DOCK5: variants seen among roughly 807,000 people sequenced by gnomAD.
DOCK5 encodes the protein dedicator of cytokinesis 5.
A neutral mutation model predicts 251.8 loss-of-function variants in DOCK5; 142 were observed. That is an observed-to-expected ratio of 0.56 (90% confidence interval 0.49 to 0.65). The LOEUF (loss-of-function observed/expected upper bound fraction) is 0.65. Ranked by LOEUF, DOCK5 falls within the 30% of genes least tolerant of loss-of-function variation. The probability of loss-of-function intolerance (pLI) is 0.00; values close to 1 mark genes in which losing one functional copy is unlikely to be tolerated. For missense variants in DOCK5, 2,111 were observed against 2,312.3 expected, an observed-to-expected ratio of 0.91 and a Z score of 1.79; for synonymous variants, 842 against 835.5, an observed-to-expected ratio of 1.01 and a Z score of -0.13.
intron 30 of DOCK5, among the ~76,000 whole-genome samples, chr8:25,366,264 G>T (rs1332136932): frequency 6.6e-6 from 1 of 152,200 alleles, no homozygotes. Flanking sequence ...GCCAAGGCGG[G>T]CAGATCACCT....
At chr8:25,401,224 C>A (rs1202522364) in intron 47 of DOCK5, among the ~76,000 whole-genome samples, 158 bp downstream of exon 47, 1 of 152,032 alleles carries the variant, frequency 6.6e-6, no homozygotes, top group African/African-American at 2.4e-5. Flanking sequence ...TCTTGGTGAC[C>A]TTGAGCAGTC....
At chr8:25,300,554 C>G in intron 8 of DOCK5, 22 bp from the exon 9 acceptor site, 2 of 1,489,998 alleles carry the variant, frequency 1.3e-6, no homozygotes, top group Non-Finnish European at 1.8e-6. Flanking sequence ...TCATTAAGAG[C>G]AATTTTTTTT....
chr8:25,338,676 A>G (rs1470406440), intron 22 of DOCK5, among the ~76,000 whole-genome samples: 9 of 152,086 alleles, frequency 5.9e-5, no homozygotes, highest in Non-Finnish European at 1.3e-4. Flanking sequence ...TTTTCCAGTT[A>G]TGGTACATTT....
chr8:25,375,975 G>A (rs1800955872), intron 37 of DOCK5: 6 of 734,040 alleles, frequency 8.2e-6, no homozygotes, highest in Non-Finnish European at 1.0e-5. Flanking sequence ...GCACCTGCCT[G>A]TAGTCCCAGC....
chr8:25,261,825 C>T (rs1016919195), intron 2 of DOCK5, among the ~76,000 whole-genome samples: 1 of 152,134 alleles, frequency 6.6e-6, no homozygotes, highest in African/African-American at 2.4e-5. Context: ...TTAGTTTTAC[C>T]TGTGAGTCAA....
intron 1 of DOCK5, among the ~76,000 whole-genome samples, chr8:25,221,730 G>A (rs773946787): frequency 1.3e-5 from 2 of 152,068 alleles, no homozygotes; most frequent in Non-Finnish European, 2.9e-5. Context: ...AGCAGTTTTC[G>A]TTCTCATCTC....
At chr8:25,271,099 C>A (rs1175847594) in intron 3 of DOCK5, 3 of 352,164 alleles carry the variant, frequency 8.5e-6, no homozygotes, top group Non-Finnish European at 1.5e-5. Context: ...CTAATAGTGC[C>A]ATTGTTGTTG....
intron 4 of DOCK5, among the ~76,000 whole-genome samples, chr8:25,276,219 A>G (rs1804040742): frequency 6.6e-6 from 1 of 152,098 alleles, no homozygotes; most frequent in African/African-American, 2.4e-5. Flanking sequence ...ACTTAAGTGG[A>G]TCCTGGGTTT....
intron 27 of DOCK5, among the ~76,000 whole-genome samples, chr8:25,355,964 G>A (rs961249396): frequency 4.7e-5 from 7 of 149,734 alleles, no homozygotes; most frequent in Non-Finnish European, 1.0e-4. Context: ...AGGCTGAGGC[G>A]GGCAGATCAT....
Position 25,310,407 on chromosome 8 carries a change from G to T in DOCK5, c.1193G>T (p.Gly398Val), listed in dbSNP as rs1411658575. 1.2e-6 allele frequency: 2 copies of T among 1,607,818 alleles called. No individual in the cohort carries two copies. The highest frequency in any genetic ancestry group is 1.3e-5 in the African/African-American group (1 of 74,462). Residue 398 changes from glycine (G) to valine (V), a missense_variant and splice_region_variant, in exon 13 of 52, where the codon GGC becomes GTC. By Grantham distance (109) the Gly-to-Val change is moderately radical. This residue lies in a region of DOCK5 where 1,717 missense variants were observed against 1,892.4 expected (regional missense o/e 0.91). Coordinates refer to ENST00000276440, the MANE Select transcript of DOCK5 (RefSeq NM_024940.8). Reference protein sequence around the residue: ...AAKEVNHKGQGLWVSLKLLPG... With the variant: ...AAKEVNHKGQVLWVSLKLLPG... ...ACGTTTATCTTTTATTTCTTTTAAGGCCTTTGGGTATCCTTGAAGCTCTTG... is the reference window on the plus strand; with the variant it reads ...ACGTTTATCTTTTATTTCTTTTAAGTCCTTTGGGTATCCTTGAAGCTCTTG...
intron 48 of DOCK5, among the ~76,000 whole-genome samples, chr8:25,406,706 CAACCTCTGCCTCCTGGGTTCAAGCTATT>C (rs1238284628): frequency 2.0e-5 from 3 of 152,020 alleles, no homozygotes; most frequent in African/African-American, 7.2e-5. Context: ...CGGCTCGCTG[CAACCTCTGCCTCCTGGGTTCAAGCTATT>C]CTCCTGCCTT....
chr8:25,286,451 T>C (rs1804334988), intron 5 of DOCK5, among the ~76,000 whole-genome samples: 1 of 152,168 alleles, frequency 6.6e-6, no homozygotes, highest in South Asian at 2.1e-4. Flanking sequence ...AGAGGGAATA[T>C]GCCCGAAGCC....
intron 1 of DOCK5, among the ~76,000 whole-genome samples, chr8:25,191,837 T>C (rs568134585): frequency 1.5e-4 from 23 of 152,198 alleles, no homozygotes; most frequent in African/African-American, 5.3e-4. Context: ...TTGTTACATA[T>C]GTATACATGT....
At chr8:25,371,531 C>G (rs1329613655) in intron 34 of DOCK5, among the ~76,000 whole-genome samples, 1 of 152,082 alleles carries the variant, frequency 6.6e-6, no homozygotes, top group African/African-American at 2.4e-5. Flanking sequence ...GGACTAGAAG[C>G]CTTTCTTGTT....
intron 21 of DOCK5, 43 bp from the exon 22 acceptor site, chr8:25,336,196 C>G: frequency 6.3e-7 from 1 of 1,591,346 alleles, no homozygotes; most frequent in Non-Finnish European, 8.6e-7. Context: ...CTCAGAGTAT[C>G]CTGTTGCTCA....
At chr8:25,384,770 TA>T (rs558627257) in intron 40 of DOCK5, among the ~76,000 whole-genome samples, 4 of 151,262 alleles carry the variant, frequency 2.6e-5, no homozygotes, top group South Asian at 2.1e-4. Flanking sequence ...TATGTCTTAA[TA>T]AAAAAAAGAA....
Position 25,380,300 on chromosome 8 carries a change from T to C in DOCK5, c.3937-5T>C. 6.2e-7 allele frequency: 1 copy of C among 1,608,236 alleles called. No homozygotes were observed. ...ACTTTTAACCTTACTTTCCTTTTTC[T>C]GAAGATGTGGGAGAAGGCCATCAAG... On this transcript the variant is annotated splice_polypyrimidine_tract_variant and splice_region_variant and intron_variant, in intron 38 of 51. Transcript: ENST00000276440.
chr8:25,404,412 C>T (rs562186804), intron 48 of DOCK5, among the ~76,000 whole-genome samples: 17 of 152,200 alleles, frequency 1.1e-4, no homozygotes, highest in African/African-American at 3.4e-4. Context: ...GCTTGGGGCC[C>T]GAAGTGTTTT....
chr8:25,349,237 C>A (rs1800424201), intron 26 of DOCK5, among the ~76,000 whole-genome samples: 1 of 152,092 alleles, frequency 6.6e-6, no homozygotes, highest in Non-Finnish European at 1.5e-5. Context: ...GAAAGGGGAA[C>A]ATTGTTACAC....
Sources: gnomAD v4.1 joint callset for allele counts (sites outside exome capture counted in the v4.1 genomes callset) on GRCh38, gnomAD v4.1.1 for gene constraint, gnomAD v4.1.1 regional missense constraint, MANE v1.5 for transcripts, NCBI Gene and HGNC (gene_info 2026-07-23, HGNC 2026-07-21) for gene names.